The following CPS1 variants were observed in gnomAD, a reference collection of about 807,000 sequenced individuals.
CPS1 encodes carbamoyl-phosphate synthase [ammonia], mitochondrial.
CPS1 carries 109 observed loss-of-function variants against 174.6 expected under a neutral mutation model. The observed-to-expected ratio is 0.62, with a 90% CI of 0.53 to 0.73. The LOEUF is 0.73. Among genes scored for constraint, CPS1 ranks in the 30% least tolerant of loss-of-function variants. CPS1 has a pLI of 0.00. For synonymous variants in CPS1, 637 were observed against 632.0 expected (o/e 1.01, Z -0.12); for missense variants, 1,689 against 1,821.9 (o/e 0.93, Z 1.33).
intron 1 of CPS1, among the ~76,000 whole-genome samples, chr2:210,504,848 AC>A (rs1294149381): frequency 1.3e-5 from 2 of 152,166 alleles, no homozygotes; most frequent in Non-Finnish European, 2.9e-5. Context: ...CTCAGTTGTG[AC>A]TGGGATCATT....
rs555676757 is a variant in CPS1, at chr2:210,664,676, A to C, written c.4002+1479A>C. 3.9e-5 allele frequency among the ~76,000 whole-genome samples: 6 copies of C among 152,230 alleles called. No homozygotes were observed. The South Asian group carries it at 1.0e-3, about 26-fold the overall frequency. ...GTGGTTATGTTCATTCTGCATCCATACATATGTTATGGGAGTTATTGAAAT... is the reference window on the plus strand; with the variant it reads ...GTGGTTATGTTCATTCTGCATCCATCCATATGTTATGGGAGTTATTGAAAT... On this transcript the variant is annotated intron_variant, in intron 33 of 37. Coordinates refer to ENST00000233072, the MANE Select transcript of CPS1 (RefSeq NM_001875.5).
chr2:210,638,357 A>G (rs1055270996), intron 22 of CPS1, among the ~76,000 whole-genome samples: 1 of 152,078 alleles, frequency 6.6e-6, no homozygotes, highest in African/African-American at 2.4e-5. Context: ...ATTCATGACA[A>G]TCACGCATGA....
intron 1 of CPS1, among the ~76,000 whole-genome samples, chr2:210,545,934 C>A (rs367900175): frequency 2.9e-4 from 44 of 152,152 alleles, no homozygotes; most frequent in African/African-American, 1.1e-3. Context: ...AATAGGTGAT[C>A]ACATTTCATC....
chr2:210,514,062 A>G (rs1695605821), intron 1 of CPS1, among the ~76,000 whole-genome samples: 1 of 151,978 alleles, frequency 6.6e-6, no homozygotes, highest in Non-Finnish European at 1.5e-5. Context: ...TTGTAGCAGT[A>G]GCATGCTGTT....
Position 210,579,762 on chromosome 2 carries a change from C to A in CPS1, c.520C>A (p.Arg174=). ...CACAAGAATGCTGACTAAAATAATT[C>A]GGGATAAGGTATAATCATCATCTTT... The part of the protein sequence containing the change: ...VDTRMLTKII[R]DKGTMLGKIE... The change falls in exon 5 of 38, where the codon CGG becomes AGG. Residue 174 remains arginine, a synonymous_variant. Transcript: ENST00000233072. 6.2e-7 allele frequency: 1 copy of A among 1,612,002 alleles called. No homozygotes were observed. The highest frequency in any genetic ancestry group is 8.5e-7 in the Non-Finnish European group (1 of 1,179,120).
chr2:210,568,538 A>G (rs941927845), intron 1 of CPS1, among the ~76,000 whole-genome samples: 3 of 152,050 alleles, frequency 2.0e-5, no homozygotes, highest in African/African-American at 7.2e-5. Context: ...CTAAAAACCA[A>G]TAGGTAACTA....
chr2:210,487,279 G>A (rs1207566117), intron 1 of CPS1, among the ~76,000 whole-genome samples: 1 of 152,148 alleles, frequency 6.6e-6, no homozygotes, highest in Non-Finnish European at 1.5e-5. Context: ...TTGGCTTACT[G>A]TCACTTCTCT....
chr2:210,591,143 T>G (rs1426806237), intron 9 of CPS1, among the ~76,000 whole-genome samples: 1 of 151,974 alleles, frequency 6.6e-6, no homozygotes, highest in Non-Finnish European at 1.5e-5. Flanking sequence ...CCACTTTTGT[T>G]GCATTTTTGG....
At chr2:210,506,107 C>T (rs767989968) in intron 1 of CPS1, among the ~76,000 whole-genome samples, 1 of 152,098 alleles carries the variant, frequency 6.6e-6, no homozygotes. Context: ...TGCTGACCCC[C>T]GAATAGCCTA....
intron 1 of CPS1, among the ~76,000 whole-genome samples, chr2:210,502,835 C>T (rs1695183713): frequency 1.3e-5 from 2 of 152,130 alleles, no homozygotes; most frequent in African/African-American, 4.8e-5. Context: ...TAACTTGTCC[C>T]TCCTCTTTAC....
intron 6 of CPS1, 73 bp from the exon 7 acceptor site, chr2:210,587,985 G>C: frequency 8.0e-7 from 1 of 1,248,950 alleles, no homozygotes; most frequent in Non-Finnish European, 1.2e-6. Flanking sequence ...AACATTGTCA[G>C]ATGTGTTTAT....
intron 1 of CPS1, among the ~76,000 whole-genome samples, chr2:210,479,900 A>G (rs1443258616): frequency 6.6e-6 from 1 of 152,166 alleles, no homozygotes; most frequent in Non-Finnish European, 1.5e-5. Context: ...CTAAAACTGA[A>G]TACTTCTGGA....
intron 1 of CPS1, among the ~76,000 whole-genome samples, chr2:210,534,615 A>G (rs907248210): frequency 6.6e-6 from 1 of 152,186 alleles, no homozygotes; most frequent in South Asian, 2.1e-4. Flanking sequence ...TATATAATTG[A>G]TGAGACATTG....
At chr2:210,513,256 C>G (rs1695579915) in intron 1 of CPS1, among the ~76,000 whole-genome samples, 1 of 150,968 alleles carries the variant, frequency 6.6e-6, no homozygotes. Flanking sequence ...AATCTCTAAA[C>G]TGCTTTCTAC....
chr2:210,668,590 A>G (rs1185070327), intron 34 of CPS1, among the ~76,000 whole-genome samples: 1 of 152,060 alleles, frequency 6.6e-6, no homozygotes, highest in East Asian at 1.9e-4. Flanking sequence ...TGTCTTTTCT[A>G]TATGTTTTAC....
chr2:210,666,011 T>C (rs1016769791), intron 33 of CPS1, among the ~76,000 whole-genome samples: 14 of 150,324 alleles, frequency 9.3e-5, no homozygotes, highest in Admixed American at 2.0e-4. Context: ...TTTTAATGAT[T>C]GCCATTCTAA....
intron 18 of CPS1, among the ~76,000 whole-genome samples, 162 bp downstream of exon 18, chr2:210,607,103 G>A (rs1423918291): frequency 6.6e-6 from 1 of 151,852 alleles, no homozygotes; most frequent in East Asian, 1.9e-4. Context: ...GATTATTAAT[G>A]AGCTTGTTGC....
rs1430366944 is a variant in CPS1 at position 210,573,162 on chromosome 2, A to G, written c.127-136A>G. ...AAAAGTGACAAGTAATAGGAAAGCA[A>G]CTGGAAATCTGGGCATTATGGTTTC... is the stretch of plus-strand genomic sequence containing the variant. On this transcript the variant is annotated intron_variant, in intron 1 of 37. Transcript: ENST00000233072. 3 of 766,368 alleles carry G rather than the reference A, an allele frequency of 3.9e-6. No homozygotes were observed. The East Asian group carries it at 7.6e-5, about 19-fold the overall frequency. 47.5% of individuals were successfully genotyped at this position (766,368 alleles called of 1,614,324 possible).
chr2:210,655,986 T>C (rs946529220), intron 29 of CPS1, among the ~76,000 whole-genome samples: 1 of 152,174 alleles, frequency 6.6e-6, no homozygotes, highest in Non-Finnish European at 1.5e-5. Context: ...GGGTTATTTA[T>C]TATTACATTA....
Sources: allele counts gnomAD v4.1 joint callset (sites outside exome capture counted in the v4.1 genomes callset), GRCh38; gene constraint gnomAD v4.1.1; transcripts MANE v1.5; gene names NCBI Gene and HGNC (gene_info 2026-07-23, HGNC 2026-07-21).